Variants in SPTLC1 observed in about 807,000 individuals in gnomAD.
The protein encoded by SPTLC1 is serine palmitoyltransferase long chain base subunit 1.
SPTLC1 carries 55 observed loss-of-function variants against 68.9 expected under a neutral mutation model. The ratio of observed to expected loss-of-function variants is 0.80; its 90% CI spans 0.64 to 1.00. The LOEUF (loss-of-function observed/expected upper bound fraction) is 1.00. Ranked by LOEUF, SPTLC1 falls within the 50% of genes least tolerant of loss-of-function variation. SPTLC1 has a pLI of 0.00. For synonymous variants in SPTLC1, 197 were observed against 201.6 expected (o/e 0.98, Z 0.19); for missense variants, 449 against 573.1 (o/e 0.78, Z 2.21).
chr9:92,034,477 C>T (rs1340019531), intron 14 of SPTLC1, among the ~76,000 whole-genome samples: 2 of 152,120 alleles, frequency 1.3e-5, no homozygotes, highest in African/African-American at 4.8e-5. Context: ...GCAGGACGGT[C>T]CTTGTGGCAG....
intron 5 of SPTLC1, among the ~76,000 whole-genome samples, chr9:92,075,280 AAAC>A (rs1175188058): frequency 6.6e-6 from 1 of 152,100 alleles, no homozygotes. Flanking sequence ...CCCCACCACC[AAAC>A]AACTACTCCT....
At chr9:92,047,337 A>C (rs1833550874) in intron 10 of SPTLC1, 69 bp from the exon 11 acceptor site, 1 of 1,307,258 alleles carries the variant, frequency 7.6e-7, no homozygotes, top group Non-Finnish European at 1.1e-6. Flanking sequence ...GAAAGGCACC[A>C]GTTCTCTAGA....
At chr9:92,115,283 G>A in intron 1 of SPTLC1, 31 bp downstream of exon 1, 1 of 1,609,666 alleles carries the variant, frequency 6.2e-7, no homozygotes, top group Non-Finnish European at 8.5e-7. Context: ...GCCCGGGTGT[G>A]GTCGCGGACC....
chr9:92,067,844 T>C (rs1388424219), intron 6 of SPTLC1, 122 bp downstream of exon 6: 1 of 1,234,452 alleles, frequency 8.1e-7, no homozygotes, highest in Non-Finnish European at 1.2e-6. Context: ...GAGGTGACTA[T>C]TTCTTGAAAA....
At chr9:92,087,523 G>C (rs1352841963) in intron 3 of SPTLC1, among the ~76,000 whole-genome samples, 3 of 152,222 alleles carry the variant, frequency 2.0e-5, no homozygotes, top group Admixed American at 1.3e-4. Context: ...GACCCTATTT[G>C]CCTGGCTATC....
chr9:92,065,325 A>G (rs373329721), intron 6 of SPTLC1, among the ~76,000 whole-genome samples: 2 of 152,216 alleles, frequency 1.3e-5, no homozygotes, highest in East Asian at 1.9e-4. Context: ...CACAGTGTCT[A>G]TGCCTGACAA....
chr9:92,056,362 G>A (rs1833890840), intron 7 of SPTLC1, among the ~76,000 whole-genome samples: 1 of 152,102 alleles, frequency 6.6e-6, no homozygotes, highest in Non-Finnish European at 1.5e-5. Flanking sequence ...CCGAGTAGCT[G>A]GGATTACAGG....
chr9:92,059,638 A>T (rs2118537440), intron 6 of SPTLC1, among the ~76,000 whole-genome samples: 1 of 152,298 alleles, frequency 6.6e-6, no homozygotes, highest in African/African-American at 2.4e-5. Flanking sequence ...GGTGTGCCTC[A>T]CCATCAGTGG....
At chr9:92,098,628 G>T (rs1835628426) in intron 3 of SPTLC1, among the ~76,000 whole-genome samples, 1 of 151,904 alleles carries the variant, frequency 6.6e-6, no homozygotes, top group Non-Finnish European at 1.5e-5. Flanking sequence ...GTGTCTAACA[G>T]ATCAATAAAA....
chr9:92,061,494 G>C (rs570839949), intron 6 of SPTLC1, among the ~76,000 whole-genome samples: 1 of 152,210 alleles, frequency 6.6e-6, no homozygotes, highest in African/African-American at 2.4e-5. Context: ...CTAAAGAAAT[G>C]GCCAAAGGAA....
intron 6 of SPTLC1, among the ~76,000 whole-genome samples, chr9:92,060,121 G>A (rs1228183273): frequency 6.6e-6 from 1 of 152,138 alleles, no homozygotes; most frequent in Non-Finnish European, 1.5e-5. Context: ...CGATGTCAAT[G>A]GAGGCCGAGT....
At position 92,049,786 on chromosome 9, in the gene SPTLC1, T is replaced by C. The variant is rs80076492; in HGVS notation, c.888+174A>G. ...AGTGCAGAAGGAAGATGGGGTTCCC[T>C]GGTCTGGCTGACTAGACTCATCCTG... On this transcript the variant is annotated intron_variant, in intron 9 of 14. Coordinates refer to ENST00000262554, the MANE Select transcript of SPTLC1 (RefSeq NM_006415.4). Among the ~76,000 whole-genome samples, 1,091 of 152,292 alleles carry C rather than the reference T, an allele frequency of 7.2e-3. 8 individuals carry two copies. The highest frequency in any genetic ancestry group is 0.025 in the African/African-American group (1,020 of 41,566).
intron 12 of SPTLC1, among the ~76,000 whole-genome samples, chr9:92,043,729 C>A (rs76950974): frequency 0.013 from 2,050 of 152,338 alleles, 54 homozygotes; most frequent in African/African-American, 0.046. Context: ...CTGCGTCAAT[C>A]TCCTAACTGG....
Position 92,039,241 on chromosome 9 carries a change from T to C in SPTLC1, c.1137-876A>G, listed in dbSNP as rs576950890. Among the ~76,000 whole-genome samples, 209 of 152,360 alleles carry C rather than the reference T, an allele frequency of 1.4e-3. 1 individual carries two copies. The highest frequency in any genetic ancestry group is 3.8e-3 in the African/African-American group (158 of 41,588). ...ACGTCCTTATTTGCATGTTAAGTTT[T>C]AGATTTTACTTGGATTAAAATTATT... On this transcript the variant is annotated intron_variant, in intron 12 of 14. Transcript: ENST00000262554.
chr9:92,038,932 C>A (rs370015301), intron 12 of SPTLC1, among the ~76,000 whole-genome samples: 12 of 152,314 alleles, frequency 7.9e-5, no homozygotes, highest in African/African-American at 2.4e-4. Context: ...GGGATGATTT[C>A]TAACATTAAC....
intron 3 of SPTLC1, among the ~76,000 whole-genome samples, chr9:92,083,788 G>C (rs1834996498): frequency 6.6e-6 from 1 of 152,136 alleles, no homozygotes; most frequent in Non-Finnish European, 1.5e-5. Flanking sequence ...AAAGTCATTG[G>C]TAGCTTGATG....
chr9:92,061,184 A>G (rs1476370843), intron 6 of SPTLC1, among the ~76,000 whole-genome samples: 1 of 152,232 alleles, frequency 6.6e-6, no homozygotes, highest in African/African-American at 2.4e-5. Flanking sequence ...TAATGCAAAC[A>G]AATAGTTGCC....
chr9:92,066,419 C>T (rs1834285637), intron 6 of SPTLC1, among the ~76,000 whole-genome samples: 1 of 151,952 alleles, frequency 6.6e-6, no homozygotes, highest in Admixed American at 6.6e-5. Context: ...GCAGAGGTGA[C>T]GTATGTGAAG....
chr9:92,114,264 T>C (rs1836353373), intron 1 of SPTLC1, among the ~76,000 whole-genome samples: 1 of 152,114 alleles, frequency 6.6e-6, no homozygotes, highest in Non-Finnish European at 1.5e-5. Flanking sequence ...TGAAACCCTG[T>C]CTTTAAAAAA....
Sources: allele counts gnomAD v4.1 joint callset (sites outside exome capture counted in the v4.1 genomes callset), GRCh38; gene constraint gnomAD v4.1.1; transcripts MANE v1.5; gene names NCBI Gene and HGNC (gene_info 2026-07-23, HGNC 2026-07-21).